The following NELL2 variants were observed in gnomAD, a reference collection of about 807,000 sequenced individuals.
The protein encoded by NELL2 is neural EGFL like 2, also known as protein kinase C-binding protein NELL2.
NELL2 carries 41 observed loss-of-function variants against 109.6 expected under a neutral mutation model. The ratio of observed to expected loss-of-function variants is 0.37; its 90% CI spans 0.29 to 0.49. NELL2 has a LOEUF of 0.49. Ranked by LOEUF, NELL2 falls within the 20% of genes least tolerant of loss-of-function variation. NELL2 has a pLI of 0.98. For synonymous variants in NELL2, 355 were observed against 344.7 expected (o/e 1.03, Z -0.33); for missense variants, 900 against 1,008.3 (o/e 0.89, Z 1.45).
At chr12:44,524,778 T>G (rs1341166008) in intron 16 of NELL2, among the ~76,000 whole-genome samples, 1 of 152,160 alleles carries the variant, frequency 6.6e-6, no homozygotes, top group Non-Finnish European at 1.5e-5. Flanking sequence ...AAGCTTGATT[T>G]GTTAAGGATA....
intron 1 of NELL2, among the ~76,000 whole-genome samples, chr12:44,890,127 G>A (rs1016580800): frequency 5.3e-5 from 8 of 152,090 alleles, no homozygotes; most frequent in Non-Finnish European, 7.3e-5. Flanking sequence ...CTAGAGTTCC[G>A]TCACTCTGCT....
At chr12:44,839,274 T>C (rs967570180) in intron 2 of NELL2, among the ~76,000 whole-genome samples, 3 of 152,206 alleles carry the variant, frequency 2.0e-5, no homozygotes, top group African/African-American at 4.8e-5. Flanking sequence ...TAAGGCATTA[T>C]AGTCATTATC....
At chr12:44,576,689 T>C (rs1284827030) in intron 15 of NELL2, among the ~76,000 whole-genome samples, 1 of 152,162 alleles carries the variant, frequency 6.6e-6, no homozygotes, top group Non-Finnish European at 1.5e-5. Flanking sequence ...CCCAATGCTA[T>C]TCCTCCCCCC....
intron 3 of NELL2, among the ~76,000 whole-genome samples, chr12:44,803,055 T>C (rs912794894): frequency 1.3e-5 from 2 of 152,046 alleles, no homozygotes; most frequent in Admixed American, 1.3e-4. Context: ...GTTGACATAG[T>C]GTGCCTCCAG....
intron 13 of NELL2, among the ~76,000 whole-genome samples, chr12:44,645,379 A>T (rs1157896907): frequency 6.6e-6 from 1 of 152,170 alleles, no homozygotes; most frequent in Non-Finnish European, 1.5e-5. Context: ...GCTGACTTAG[A>T]CTTCTATAAT....
upstream of NELL2, chr12:44,876,823 G>T: frequency 2.3e-6 from 3 of 1,333,288 alleles, no homozygotes; most frequent in Non-Finnish European, 2.9e-6. Flanking sequence ...CTGCACTGCC[G>T]AGGTGGAGCT....
At chr12:44,761,602 T>C (rs1226481187) in intron 9 of NELL2, among the ~76,000 whole-genome samples, 3 of 152,118 alleles carry the variant, frequency 2.0e-5, no homozygotes, top group Non-Finnish European at 4.4e-5. Context: ...AGCAAAGTCA[T>C]GGAATTAACA....
chr12:44,683,536 G>A (rs1157380977), intron 12 of NELL2, among the ~76,000 whole-genome samples: 1 of 150,136 alleles, frequency 6.7e-6, no homozygotes, highest in Non-Finnish European at 1.5e-5. Flanking sequence ...TGCCCATTCA[G>A]TATGATATTG....
chr12:44,904,186 A>G (rs1245647564), intron 1 of NELL2, among the ~76,000 whole-genome samples: 2 of 152,124 alleles, frequency 1.3e-5, no homozygotes, highest in Non-Finnish European at 2.9e-5. Context: ...TTAAAATAAT[A>G]AATTAATTTT....
chr12:44,641,710 T>G (rs1200395726), intron 13 of NELL2, among the ~76,000 whole-genome samples: 1 of 143,926 alleles, frequency 6.9e-6, no homozygotes, highest in Non-Finnish European at 1.5e-5. Context: ...TTTTTTTTTT[T>G]TTTTGAGATG....
chr12:44,636,238 A>T (rs1262658140), intron 13 of NELL2, among the ~76,000 whole-genome samples: 1 of 152,130 alleles, frequency 6.6e-6, no homozygotes, highest in East Asian at 1.9e-4. Context: ...AACAGAGACA[A>T]TGTGACTTCC....
chr12:44,764,830 T>C (rs967884142), intron 9 of NELL2, among the ~76,000 whole-genome samples: 1 of 151,708 alleles, frequency 6.6e-6, no homozygotes, highest in Non-Finnish European at 1.5e-5. Context: ...TCTTACTGCA[T>C]ACTTAAGATC....
intron 12 of NELL2, among the ~76,000 whole-genome samples, chr12:44,685,021 TA>T (rs1431682359): frequency 7.2e-5 from 11 of 151,976 alleles, no homozygotes; most frequent in African/African-American, 2.4e-4. Context: ...AGTGAGGTGT[TA>T]AAGTCTCCCA....
chr12:44,651,068 C>G (rs1947282859), intron 13 of NELL2, among the ~76,000 whole-genome samples: 1 of 152,208 alleles, frequency 6.6e-6, no homozygotes, highest in African/African-American at 2.4e-5. Flanking sequence ...AGTAGATTCT[C>G]ATAGAAGCAT....
At chr12:44,800,012 C>A (rs775272011) in intron 3 of NELL2, among the ~76,000 whole-genome samples, 2 of 152,144 alleles carry the variant, frequency 1.3e-5, no homozygotes, top group South Asian at 4.2e-4. Context: ...TATTTAATCA[C>A]CAAATCCTCA....
chr12:44,870,908 C>T (rs1335784322), intron 2 of NELL2, among the ~76,000 whole-genome samples: 1 of 152,142 alleles, frequency 6.6e-6, no homozygotes, highest in Admixed American at 6.5e-5. Flanking sequence ...TATGCAGGAC[C>T]ATTATTCTGC....
intron 9 of NELL2, among the ~76,000 whole-genome samples, chr12:44,732,195 A>G (rs1026654320): frequency 6.6e-6 from 1 of 152,006 alleles, no homozygotes; most frequent in Non-Finnish European, 1.5e-5. Context: ...CCAATGTTAC[A>G]TTTTAGAGAA....
chr12:44,822,921 C>T (rs959829408), intron 2 of NELL2, among the ~76,000 whole-genome samples: 1 of 151,900 alleles, frequency 6.6e-6, no homozygotes, highest in Non-Finnish European at 1.5e-5. Context: ...TATATACATA[C>T]ATAGTTAACA....
At chr12:44,593,543 TG>T (rs1163304656) in intron 15 of NELL2, among the ~76,000 whole-genome samples, 1 of 152,170 alleles carries the variant, frequency 6.6e-6, no homozygotes, top group Non-Finnish European at 1.5e-5. Context: ...TTTAAAAAAG[TG>T]GGTGAAATAA....
Sources: allele counts gnomAD v4.1 joint callset (sites outside exome capture counted in the v4.1 genomes callset), GRCh38; gene constraint gnomAD v4.1.1; transcripts MANE v1.5; gene names NCBI Gene and HGNC (gene_info 2026-07-23, HGNC 2026-07-21).